Variants in SCGB2A2 observed in about 807,000 individuals in gnomAD.
The protein encoded by SCGB2A2 is secretoglobin family 2A member 2.
A neutral mutation model predicts 8.8 loss-of-function variants in SCGB2A2; 11 were observed. That is an observed-to-expected ratio of 1.25 (90% CI 0.79 to 2.07). The LOEUF is 2.07. SCGB2A2 is among the 30% of genes most tolerant of loss of function. The pLI is 0.00. For missense variants in SCGB2A2, 113 were observed against 109.9 expected (o/e 1.03, Z -0.13); for synonymous variants, 42 against 40.9 (o/e 1.03, Z -0.10).
chr11:62,272,936 G>A (rs1333905551), intron 2 of SCGB2A2, 21 bp from the exon 3 acceptor site: 1 of 1,571,818 alleles, frequency 6.4e-7, no homozygotes, highest in Non-Finnish European at 8.7e-7. Context: ...TCTAAGTGAT[G>A]TCTCTGTTTT....
intron 2 of SCGB2A2, 128 bp downstream of exon 2, chr11:62,271,196 GA>G: frequency 6.3e-7 from 1 of 1,576,726 alleles, no homozygotes; most frequent in Non-Finnish European, 8.6e-7. Context: ...TAATTTAGTT[GA>G]ATGGTTAGTC....
In SCGB2A2 at chr11:62,270,891, C is replaced by T. The variant is rs772900941; in HGVS notation, c.66C>T (p.Cys22=). 1 of 1,613,468 alleles carries T rather than the reference C, an allele frequency of 6.2e-7. No individual in the cohort carries two copies. The highest frequency in any genetic ancestry group is 8.5e-7 in the Non-Finnish European group (1 of 1,179,488). Residue 22 remains cysteine (C), a synonymous_variant, in exon 2 of 3, where the codon TGC becomes TGT. Coordinates refer to ENST00000227918, the MANE Select transcript of SCGB2A2 (RefSeq NM_002411.4). Reference sequence around the variant, plus strand: ...GTGCATCCTTCCCAGGCTCTGGCTGCCCCTTATTGGAGAATGTGATTTCCA... The same window carrying T: ...GTGCATCCTTCCCAGGCTCTGGCTGTCCCTTATTGGAGAATGTGATTTCCA... The part of the protein sequence containing the change: ...LSQHCYAGSG[C]PLLENVISKT...
At chr11:62,270,816 A>G in intron 1 of SCGB2A2, 65 bp from the exon 2 acceptor site, 2 of 1,214,750 alleles carry the variant, frequency 1.6e-6, no homozygotes, top group South Asian at 1.3e-5. Flanking sequence ...GAGGAATGTA[A>G]TAGGTCTGCC....
At chr11:62,271,276 T>A in intron 2 of SCGB2A2, 2 of 1,458,154 alleles carry the variant, frequency 1.4e-6, no homozygotes, top group Non-Finnish European at 1.8e-6. Flanking sequence ...GAATCCTCAG[T>A]GGATGATAAA....
At chr11:62,270,581 C>G (rs1399600806) in intron 1 of SCGB2A2, among the ~76,000 whole-genome samples, 1 of 152,134 alleles carries the variant, frequency 6.6e-6, no homozygotes, top group Non-Finnish European at 1.5e-5. Flanking sequence ...CAAAGAAGAC[C>G]AAATAATCTT....
intron 2 of SCGB2A2, 95 bp downstream of exon 2, chr11:62,271,163 A>G (rs755370468): frequency 6.2e-7 from 1 of 1,605,294 alleles, no homozygotes; most frequent in Admixed American, 1.7e-5. Flanking sequence ...GCCACTAGTG[A>G]ACAAGCCTTT....
At chr11:62,270,612 G>A (rs1260805942) in intron 1 of SCGB2A2, among the ~76,000 whole-genome samples, 6 of 152,164 alleles carry the variant, frequency 3.9e-5, no homozygotes, top group Non-Finnish European at 7.3e-5. Context: ...TTCCAAGTCC[G>A]AGTGTTTCAT....
intron 1 of SCGB2A2, 82 bp downstream of exon 1, chr11:62,270,353 C>A: frequency 7.8e-7 from 1 of 1,284,684 alleles, no homozygotes; most frequent in Non-Finnish European, 1.1e-6. Flanking sequence ...CTCCCCAATT[C>A]TCAGCAGAGA....
intron 2 of SCGB2A2, chr11:62,271,788 A>G: frequency 2.0e-6 from 2 of 985,180 alleles, no homozygotes; most frequent in Non-Finnish European, 2.4e-6. Context: ...TTTGAGCAAG[A>G]TTCTATACAT....
intron 2 of SCGB2A2, chr11:62,271,334 A>T (rs1258691681): frequency 6.9e-7 from 1 of 1,440,800 alleles, no homozygotes; most frequent in East Asian, 2.5e-5. Flanking sequence ...AGTCTTACCT[A>T]TCCCCAGAGC....
intron 2 of SCGB2A2, chr11:62,271,748 C>T (rs1176017319): frequency 3.0e-6 from 3 of 985,964 alleles, no homozygotes; most frequent in South Asian, 4.7e-5. Context: ...TTAAAAAATG[C>T]CCTATTTTTC....
chr11:62,272,446 A>G (rs1396035404), intron 2 of SCGB2A2, among the ~76,000 whole-genome samples: 1 of 152,164 alleles, frequency 6.6e-6, no homozygotes, highest in African/African-American at 2.4e-5. Flanking sequence ...ACATTTTACC[A>G]CTATTAATAA....
intron 2 of SCGB2A2, 58 bp downstream of exon 2, chr11:62,271,126 T>G (rs750615102): frequency 3.7e-6 from 6 of 1,611,744 alleles, no homozygotes; most frequent in Non-Finnish European, 5.1e-6. Context: ...ACAAGTGGGC[T>G]CTTCATTTCT....
At chr11:62,271,478 C>T in intron 2 of SCGB2A2, 1 of 1,289,180 alleles carries the variant, frequency 7.8e-7, no homozygotes, top group Non-Finnish European at 9.8e-7. Flanking sequence ...CATACACAAA[C>T]ATAGACAGAC....
In SCGB2A2 at chr11:62,271,686, C is replaced by G. The variant is rs577425383; in HGVS notation, c.243+618C>G. On this transcript the variant is annotated intron_variant, in intron 2 of 2. Coordinates refer to ENST00000227918, the MANE Select transcript of SCGB2A2 (RefSeq NM_002411.4). The stretch of plus-strand genomic sequence containing the variant: ...TTCCAGAAGACCCGCACCTATAGAC[C>G]AATCTGCAGAGAAAACTTCTCTTCT... The G allele has an allele frequency of 2.8e-5, 28 of 987,460 alleles. No individual in the cohort carries two copies. The African/African-American group carries it at 4.9e-4, about 17-fold the overall frequency. 61.2% of individuals were successfully genotyped at this position (987,460 alleles called of 1,614,324 possible). A position where few individuals can be genotyped will look rare whatever the true frequency, so the allele number is the denominator to read the frequency against.
Position 62,270,270 on chromosome 11 carries a change from A to G in SCGB2A2, c.54A>G (p.Ala18=), listed in dbSNP as rs1171661905. The change falls in exon 1 of 3, where the codon GCA becomes GCG. Residue 18 remains alanine (A), a splice_region_variant and synonymous_variant. Transcript: ENST00000227918. ...CGGCCCTCTCCCAGCACTGCTACGC[A>G]GGTGAGTTCTGTGCAGGGAGGGCTG... ...MLAALSQHCY[A]GSGCPLLENV... 4 of 1,613,734 alleles carry G rather than the reference A, an allele frequency of 2.5e-6. No individual in the cohort carries two copies. Among genetic ancestry groups the G allele is most frequent in the Middle Eastern group, 3.3e-4 (2 of 6,082 alleles).
At chr11:62,271,238 G>A (rs775289055) in intron 2 of SCGB2A2, 170 bp downstream of exon 2, 3 of 1,499,874 alleles carry the variant, frequency 2.0e-6, no homozygotes, top group Non-Finnish European at 2.7e-6. Context: ...AAAACATCCA[G>A]TGTCCCTGTG....
At chr11:62,271,197 A>T in intron 2 of SCGB2A2, 129 bp downstream of exon 2, 4 of 1,575,570 alleles carry the variant, frequency 2.5e-6, no homozygotes, top group Non-Finnish European at 3.4e-6. Context: ...AATTTAGTTG[A>T]ATGGTTAGTC....
chr11:62,272,653 T>G (rs1460866154), intron 2 of SCGB2A2, among the ~76,000 whole-genome samples: 10 of 150,242 alleles, frequency 6.7e-5, no homozygotes. Flanking sequence ...TTCACTTTTT[T>G]TTTTTTTTTT....
Sources: gnomAD v4.1 joint callset for allele counts (sites outside exome capture counted in the v4.1 genomes callset) on GRCh38, gnomAD v4.1.1 for gene constraint, MANE v1.5 for transcripts, NCBI Gene and HGNC (gene_info 2026-07-23, HGNC 2026-07-21) for gene names.